Variants in CYP2E1 observed in about 807,000 individuals in gnomAD.
CYP2E1 encodes the protein cytochrome P450 family 2 subfamily E member 1.
A neutral mutation model predicts 42.9 loss-of-function variants in CYP2E1; 31 were observed. That is an observed-to-expected ratio of 0.72 (90% confidence interval 0.54 to 0.98). The LOEUF is 0.98. Among genes scored for constraint, CYP2E1 ranks in the 50% least tolerant of loss-of-function variants. The probability of loss-of-function intolerance (pLI) is 0.00; values close to 1 mark genes in which losing one functional copy is unlikely to be tolerated. For synonymous variants in CYP2E1, 244 were observed against 248.9 expected, an observed-to-expected ratio of 0.98 and a Z score of 0.19; for missense variants, 565 against 633.2, an observed-to-expected ratio of 0.89 and a Z score of 1.16.
In CYP2E1 at chr10:133,538,532, T is replaced by A. The variant is rs867003566; in HGVS notation, c.1298-248T>A. Among the ~76,000 whole-genome samples, 6 of 152,260 alleles carry A rather than the reference T, an allele frequency of 3.9e-5. No homozygotes were observed. The South Asian group carries it at 1.2e-3, about 32-fold the overall frequency. On this transcript the variant is annotated intron_variant, in intron 8 of 8. Coordinates refer to ENST00000252945, the MANE Select transcript of CYP2E1 (RefSeq NM_000773.4). Reference sequence around the variant, plus strand: ...CACGGTCTTCCCAACTTAACACCGGTTTTTGCAGTTGAGCTCTGGATAATT... The same window carrying A: ...CACGGTCTTCCCAACTTAACACCGGATTTTGCAGTTGAGCTCTGGATAATT...
At position 133,527,471 on chromosome 10, in the gene CYP2E1, G is replaced by A. The variant is rs59868347; in HGVS notation, c.76G>A (p.Val26Met). 1.9e-6 allele frequency: 3 copies of A among 1,613,598 alleles called. No individual in the cohort carries two copies. The highest frequency in any genetic ancestry group is 1.7e-6 in the Non-Finnish European group (2 of 1,179,978). ...FLLLVSMWRQ[V>M]HSSWNLPPGP... ...CCTGCTGGTGTCCATGTGGAGGCAG[G>A]TGCACAGCAGCTGGAATCTGCCCCC... is the stretch of plus-strand genomic sequence containing the variant. Residue 26 changes from valine (V) to methionine (M), a missense_variant, in exon 1 of 9, where the codon GTG becomes ATG. By Grantham distance (21) the Val-to-Met change is conservative. Coordinates refer to ENST00000252945, the MANE Select transcript of CYP2E1 (RefSeq NM_000773.4).
rs772559232 is a variant in CYP2E1, at chr10:133,532,260, C to T, written c.624C>T (p.His208=). Residue 208 remains histidine (H), a synonymous_variant, in exon 4 of 9, where the codon CAC becomes CAT. Coordinates refer to ENST00000252945, the MANE Select transcript of CYP2E1 (RefSeq NM_000773.4). ...TGTATTTGTTTAATGAGAACTTCCA[C>T]CTACTCAGCACTCCCTGGCTCCAGG... ...RLMYLFNENF[H]LLSTPWLQLY... 3.1e-6 allele frequency: 5 copies of T among 1,613,678 alleles called. No homozygotes were observed. The highest frequency in any genetic ancestry group is 4.5e-5 in the East Asian group (2 of 44,878).
At position 133,533,798 on chromosome 10, in the gene CYP2E1, A is replaced by C; in HGVS notation, c.868A>C (p.Thr290Pro). The change falls in exon 6 of 9, where the codon ACC becomes CCC. Residue 290 changes from threonine to proline, a missense_variant. Physicochemically the swap from Thr to Pro is conservative, Grantham distance 38. Coordinates refer to ENST00000252945, the MANE Select transcript of CYP2E1 (RefSeq NM_000773.4). The stretch of plus-strand genomic sequence containing the variant: ...GCGCTTGTACACAATGGACGGTATC[A>C]CCGTGACTGTGGCCGACCTGTTCTT... ...AERLYTMDGI[T>P]VTVADLFFAG... 6.2e-7 allele frequency: 1 copy of C among 1,614,194 alleles called. No homozygotes were observed. Among genetic ancestry groups the C allele is most frequent in the Non-Finnish European group, 8.5e-7 (1 of 1,180,012 alleles).
intron 7 of CYP2E1, 57 bp downstream of exon 7, chr10:133,537,307 T>C (rs1483333635): frequency 6.4e-7 from 1 of 1,561,574 alleles, no homozygotes; most frequent in Non-Finnish European, 8.7e-7. Context: ...GCTAATCGCC[T>C]TCCTGCCAGG....
chr10:133,536,474 T>C (rs1371928011), intron 6 of CYP2E1, among the ~76,000 whole-genome samples: 1 of 144,040 alleles, frequency 6.9e-6, no homozygotes, highest in Non-Finnish European at 1.5e-5. Context: ...GATGGATGGA[T>C]GGGTCAATGG....
chr10:133,536,676 A>G (rs1278054262), intron 6 of CYP2E1, among the ~76,000 whole-genome samples: 35 of 63,100 alleles, frequency 5.5e-4, no homozygotes, highest in Non-Finnish European at 7.5e-4. Flanking sequence ...AGGGTGGATA[A>G]ATGGGTGGAT....
intron 8 of CYP2E1, among the ~76,000 whole-genome samples, chr10:133,538,157 A>G (rs1851428419): frequency 6.6e-6 from 1 of 152,036 alleles, no homozygotes; most frequent in South Asian, 2.1e-4. Flanking sequence ...TACATCATTC[A>G]TTGCTAAATT....
chr10:133,528,471 G>A lies in CYP2E1; in HGVS notation c.178-10G>A, dbSNP rs1423817796. On this transcript the variant is annotated splice_polypyrimidine_tract_variant and intron_variant, in intron 1 of 8. Transcript: ENST00000252945. ...CGGCGGGCCTGACTTCTAGCCACGGGTCTCCGCAGTTGGCCCAGCGCTTCG... is the reference window on the plus strand; with the variant it reads ...CGGCGGGCCTGACTTCTAGCCACGGATCTCCGCAGTTGGCCCAGCGCTTCG... 1.2e-6 allele frequency: 2 copies of A among 1,612,298 alleles called. No individual in the cohort carries two copies. The highest frequency in any genetic ancestry group is 1.7e-4 in the Middle Eastern group (1 of 5,750).
rs372404508 is a variant in CYP2E1, at chr10:133,532,863, G to C, written c.820G>C (p.Glu274Gln). 1.2e-6 allele frequency: 2 copies of C among 1,602,512 alleles called. No individual in the cohort carries two copies. The highest frequency in any genetic ancestry group is 1.3e-5 in the African/African-American group (1 of 74,394). ...CACCGACTGCCTGCTCGTGGAAATG[G>C]AGAAGGTAGGCTCGGCCCTCCCATG... ...DLTDCLLVEM[E>Q]KEKHSAERLY... is the part of the protein sequence containing the mutation. Residue 274 changes from glutamate (E) to glutamine (Q), a missense_variant, in exon 5 of 9, where the codon GAG becomes CAG. Coordinates refer to ENST00000252945, the MANE Select transcript of CYP2E1 (RefSeq NM_000773.4).
chr10:133,532,962 A>G, intron 5 of CYP2E1, 94 bp downstream of exon 5: 1 of 1,183,846 alleles, frequency 8.4e-7, no homozygotes, highest in Admixed American at 2.7e-5. Context: ...GCTGGTGTCC[A>G]GACCTCCCAC....
chr10:133,531,987 A>G, intron 3 of CYP2E1, 137 bp from the exon 4 acceptor site: 1 of 874,164 alleles, frequency 1.1e-6, no homozygotes, highest in Admixed American at 2.4e-5. Context: ...ACAGGTTCAG[A>G]CATTCACTAT....
intron 1 of CYP2E1, 135 bp downstream of exon 1, chr10:133,527,707 C>A: frequency 1.4e-6 from 1 of 715,960 alleles, no homozygotes; most frequent in Non-Finnish European, 2.3e-6. Context: ...TGATAGCATC[C>A]TGGAGCGACA....
Position 133,538,504 on chromosome 10 carries a change from A to C in CYP2E1, c.1298-276A>C, listed in dbSNP as rs41299438. 7.1e-4 allele frequency among the ~76,000 whole-genome samples: 108 copies of C among 152,308 alleles called. 3 individuals carry two copies. The East Asian group carries it at 0.017, about 24-fold the overall frequency. ...ACTGGGGGTGCCTTCTTTACTGGGCAGACACGGTCTTCCCAACTTAACACC... is the reference window on the plus strand; with the variant it reads ...ACTGGGGGTGCCTTCTTTACTGGGCCGACACGGTCTTCCCAACTTAACACC... On this transcript the variant is annotated intron_variant, in intron 8 of 8. Transcript: ENST00000252945.
chr10:133,529,612 G>C (rs1433159217), intron 2 of CYP2E1, among the ~76,000 whole-genome samples: 2 of 152,226 alleles, frequency 1.3e-5, no homozygotes, highest in Admixed American at 6.5e-5. Flanking sequence ...CATTGTGAAC[G>C]TCGAATGGGC....
chr10:133,528,946 G>A (rs1304208786), intron 2 of CYP2E1, among the ~76,000 whole-genome samples: 1 of 152,172 alleles, frequency 6.6e-6, no homozygotes, highest in Non-Finnish European at 1.5e-5. Flanking sequence ...GGGCCCGCAG[G>A]CTCCTCCCGG....
chr10:133,527,910 G>A (rs1269877393), intron 1 of CYP2E1, among the ~76,000 whole-genome samples: 3 of 152,280 alleles, frequency 2.0e-5, no homozygotes, highest in Non-Finnish European at 4.4e-5. Flanking sequence ...GCCAAAGCAC[G>A]AGTTGAAACG....
In CYP2E1 at chr10:133,531,538, C is replaced by T. The variant is rs374783707; in HGVS notation, c.338-47C>T. ...AAGGCCCTCTGTAGCCCATTTCTCCCCAAAATGGGTATTTAGAATAACCTT... is the reference window on the plus strand; with the variant it reads ...AAGGCCCTCTGTAGCCCATTTCTCCTCAAAATGGGTATTTAGAATAACCTT... On this transcript the variant is annotated intron_variant, in intron 2 of 8. Coordinates refer to ENST00000252945, the MANE Select transcript of CYP2E1 (RefSeq NM_000773.4). 8 of 1,607,210 alleles carry T rather than the reference C, an allele frequency of 5.0e-6. No homozygotes were observed. The South Asian group carries it at 7.7e-5, about 15-fold the overall frequency.
chr10:133,533,207 C>T (rs549957016), intron 5 of CYP2E1, among the ~76,000 whole-genome samples: 17 of 152,296 alleles, frequency 1.1e-4, no homozygotes, highest in African/African-American at 3.6e-4. Flanking sequence ...CCCAACTGTG[C>T]GCAGCTGCAG....
At chr10:133,536,266 G>T (rs1044741041) in intron 6 of CYP2E1, among the ~76,000 whole-genome samples, 1 of 152,078 alleles carries the variant, frequency 6.6e-6, no homozygotes, top group Non-Finnish European at 1.5e-5. Flanking sequence ...TAACCTCATA[G>T]AGCTTAGCTC....
Sources: gnomAD v4.1 joint callset for allele counts (sites outside exome capture counted in the v4.1 genomes callset) on GRCh38, gnomAD v4.1.1 for gene constraint, MANE v1.5 for transcripts, NCBI Gene and HGNC (gene_info 2026-07-23, HGNC 2026-07-21) for gene names.